The following ANKRD30B variants were observed in gnomAD, a reference collection of about 807,000 sequenced individuals.
ANKRD30B encodes ankyrin repeat domain-containing protein 30B.
Under a neutral mutation model 202.2 loss-of-function variants are expected in ANKRD30B, and 144 were observed. The ratio of observed to expected loss-of-function variants is 0.71; its 90% CI spans 0.62 to 0.82. The LOEUF (loss-of-function observed/expected upper bound fraction) is 0.82. Ranked by LOEUF, ANKRD30B falls within the 40% of genes least tolerant of loss-of-function variation. The pLI, the probability that ANKRD30B is intolerant of heterozygous loss-of-function variation, is 0.00. For synonymous variants in ANKRD30B, 508 were observed against 561.3 expected, an observed-to-expected ratio of 0.91 and a Z score of 1.34; for missense variants, 1,487 against 1,669.1, an observed-to-expected ratio of 0.89 and a Z score of 1.90.
the ANKRD30B span, among the ~76,000 whole-genome samples, chr18:14,923,394 T>C: frequency 6.6e-6 from 1 of 152,070 alleles, no homozygotes; most frequent in Admixed American, 6.5e-5. Context: ...CCTGTGGTGG[T>C]GACCATGAGG....
At chr18:14,841,092 G>T (rs557067859) in intron 37 of ANKRD30B, among the ~76,000 whole-genome samples, 197 of 152,332 alleles carry the variant, frequency 1.3e-3, no homozygotes, top group Non-Finnish European at 2.2e-3. Context: ...ATTTGGCAGA[G>T]AATTACAGCA....
intron 30 of ANKRD30B, among the ~76,000 whole-genome samples, chr18:14,815,901 C>T (rs568914954): frequency 3.3e-5 from 5 of 152,140 alleles, no homozygotes; most frequent in South Asian, 2.1e-4. Context: ...GTTGGCATAC[C>T]GTTATGCCAT....
the ANKRD30B span, among the ~76,000 whole-genome samples, chr18:14,914,527 A>G: frequency 4.0e-4 from 61 of 152,214 alleles, no homozygotes; most frequent in Non-Finnish European, 7.6e-4. Flanking sequence ...AATAGACAGC[A>G]CTTTCAGAAA....
At chr18:14,894,627 C>T in the ANKRD30B span, among the ~76,000 whole-genome samples, 1 of 151,790 alleles carries the variant, frequency 6.6e-6, no homozygotes, top group African/African-American at 2.4e-5. Context: ...CAAGTATACC[C>T]TCTTCGGCAT....
At chr18:14,908,675 G>C in the ANKRD30B span, among the ~76,000 whole-genome samples, 8 of 152,144 alleles carry the variant, frequency 5.3e-5, no homozygotes, top group Admixed American at 2.0e-4. Context: ...TTTAGCTCCC[G>C]TGTGGAGCCC....
intron 7 of ANKRD30B, among the ~76,000 whole-genome samples, chr18:14,768,210 G>A (rs185756558): frequency 8.1e-4 from 123 of 152,288 alleles, no homozygotes; most frequent in Non-Finnish European, 1.1e-3. Context: ...GAAGGACTGG[G>A]ATCAGAGACC....
At chr18:14,930,652 GC>G in the ANKRD30B span, among the ~76,000 whole-genome samples, 1 of 152,086 alleles carries the variant, frequency 6.6e-6, no homozygotes, top group African/African-American at 2.4e-5. Context: ...CCCAGGAAGT[GC>G]TGAGGCCCTT....
chr18:14,865,653 A>G, the ANKRD30B span, among the ~76,000 whole-genome samples: 1 of 144,336 alleles, frequency 6.9e-6, no homozygotes, highest in East Asian at 2.1e-4. Context: ...CACCATCTTT[A>G]TGCAATGCCT....
At chr18:14,775,118 C>T (rs1295880326) in intron 9 of ANKRD30B, among the ~76,000 whole-genome samples, 2 of 152,210 alleles carry the variant, frequency 1.3e-5, no homozygotes, top group Admixed American at 1.3e-4. Context: ...CAGAGCGAGA[C>T]TCCATCTCAA....
intron 30 of ANKRD30B, among the ~76,000 whole-genome samples, chr18:14,818,086 C>T (rs1970210900): frequency 6.6e-6 from 1 of 152,010 alleles, no homozygotes; most frequent in South Asian, 2.1e-4. Flanking sequence ...AGAGATTAAG[C>T]ATGTTTTATT....
intron 30 of ANKRD30B, among the ~76,000 whole-genome samples, chr18:14,815,943 T>A (rs1435962678): frequency 1.3e-5 from 2 of 152,178 alleles, no homozygotes; most frequent in Non-Finnish European, 2.9e-5. Flanking sequence ...TATTTATATT[T>A]AGTATTATTC....
intron 15 of ANKRD30B, among the ~76,000 whole-genome samples, chr18:14,790,031 G>A (rs1174371932): frequency 6.6e-6 from 1 of 152,170 alleles, no homozygotes; most frequent in East Asian, 1.9e-4. Flanking sequence ...AGCATGGAAT[G>A]TTCTTCCATT....
chr18:14,837,127 C>T (rs1488552754), intron 34 of ANKRD30B, 84 bp from the exon 35 acceptor site: 2 of 791,410 alleles, frequency 2.5e-6, no homozygotes, highest in Non-Finnish European at 4.1e-6. Flanking sequence ...GTCTTTCTGA[C>T]AAATTGATTG....
chr18:14,916,684 TTATC>T, the ANKRD30B span, among the ~76,000 whole-genome samples: 3 of 152,200 alleles, frequency 2.0e-5, no homozygotes, highest in Non-Finnish European at 2.9e-5. Flanking sequence ...TTTCTATTAA[TTATC>T]TGAGCTTGCT....
At chr18:14,751,385 CTTTTCA>C (rs1350246088) in intron 1 of ANKRD30B, among the ~76,000 whole-genome samples, 1 of 152,090 alleles carries the variant, frequency 6.6e-6, no homozygotes, top group African/African-American at 2.4e-5. Flanking sequence ...CTCTCAAGAC[CTTTTCA>C]TCCTTAAAAA....
the ANKRD30B span, among the ~76,000 whole-genome samples, chr18:14,924,556 G>T: frequency 4.6e-5 from 7 of 152,358 alleles, no homozygotes; most frequent in East Asian, 1.2e-3. Flanking sequence ...CTGGCATGAG[G>T]CCCTAATACA....
At chr18:14,753,803 T>C (rs1042575486) in intron 3 of ANKRD30B, among the ~76,000 whole-genome samples, 19 of 152,274 alleles carry the variant, frequency 1.2e-4, no homozygotes, top group Middle Eastern at 3.4e-3. Flanking sequence ...AAATATTATA[T>C]CCTTCTTCTT....
the ANKRD30B span, among the ~76,000 whole-genome samples, chr18:14,881,761 T>G: frequency 6.6e-6 from 1 of 152,188 alleles, no homozygotes; most frequent in East Asian, 1.9e-4. Context: ...ATTTTAAAAT[T>G]ACCATTTCAA....
chr18:14,935,870 A>G, the ANKRD30B span, among the ~76,000 whole-genome samples: 1 of 152,258 alleles, frequency 6.6e-6, no homozygotes, highest in African/African-American at 2.4e-5. Flanking sequence ...CAGGGAGTGC[A>G]GCCTGTGAAA....
Sources: allele counts gnomAD v4.1 joint callset (sites outside exome capture counted in the v4.1 genomes callset), GRCh38; gene constraint gnomAD v4.1.1; transcripts MANE v1.5; gene names NCBI Gene and HGNC (gene_info 2026-07-23, HGNC 2026-07-21).